The following PARVA variants were observed in gnomAD, a reference collection of about 807,000 sequenced individuals.
The protein encoded by PARVA is alpha-parvin.
PARVA carries 25 observed loss-of-function variants against 52.6 expected under a neutral mutation model. That is an observed-to-expected ratio of 0.48 (90% confidence interval 0.35 to 0.66). PARVA has a LOEUF of 0.66. Ranked by LOEUF, PARVA falls within the 30% of genes least tolerant of loss-of-function variation. The probability of loss-of-function intolerance (pLI) is 0.01; values close to 1 mark genes in which losing one functional copy is unlikely to be tolerated. For synonymous variants in PARVA, 185 were observed against 179.1 expected (o/e 1.03, Z -0.26); for missense variants, 373 against 450.9 (o/e 0.83, Z 1.56).
intron 1 of PARVA, among the ~76,000 whole-genome samples, chr11:12,385,835 A>C (rs752978467): frequency 2.6e-5 from 4 of 152,206 alleles, no homozygotes; most frequent in Non-Finnish European, 4.4e-5. Flanking sequence ...TGTAAAAACC[A>C]TTCTTAGCAC....
intron 1 of PARVA, among the ~76,000 whole-genome samples, chr11:12,468,933 T>G (rs950320284): frequency 2.0e-5 from 3 of 152,198 alleles, no homozygotes; most frequent in Non-Finnish European, 4.4e-5. Context: ...AGAATTGACA[T>G]GATGATGCTT....
At chr11:12,479,174 G>C (rs942632515) in intron 4 of PARVA, 1 of 152,160 alleles carries the variant, frequency 6.6e-6, no homozygotes, top group Non-Finnish European at 1.5e-5. Flanking sequence ...GATCATGCTA[G>C]TCCTTCTGCC....
At chr11:12,411,176 G>T (rs1939987591) in intron 1 of PARVA, among the ~76,000 whole-genome samples, 1 of 152,162 alleles carries the variant, frequency 6.6e-6, no homozygotes, top group African/African-American at 2.4e-5. Context: ...GATGAACAAA[G>T]GATTTTTAAA....
rs1214984665 is a variant in PARVA, at chr11:12,488,982, A to G, written c.401-7476A>G. On this transcript the variant is annotated intron_variant, in intron 4 of 12. Coordinates refer to ENST00000334956, the MANE Select transcript of PARVA (RefSeq NM_018222.5). Reference sequence around the variant, plus strand: ...AAGCCACCATGAGCACTGTCAACAGAAACAATAATCTGTAGATTCATCCCA... The same window carrying G: ...AAGCCACCATGAGCACTGTCAACAGGAACAATAATCTGTAGATTCATCCCA... Among the ~76,000 whole-genome samples the G allele has an allele frequency of 7.2e-5, 11 of 152,246 alleles. No individual in the cohort carries two copies. The East Asian group carries it at 2.1e-3, about 29-fold the overall frequency.
At chr11:12,465,342 C>T (rs1300416456) in intron 1 of PARVA, among the ~76,000 whole-genome samples, 1 of 152,202 alleles carries the variant, frequency 6.6e-6, no homozygotes, top group Non-Finnish European at 1.5e-5. Context: ...AGATGTGGCC[C>T]TGCAACCTGG....
intron 5 of PARVA, among the ~76,000 whole-genome samples, chr11:12,501,782 T>G (rs1433601226): frequency 6.6e-6 from 1 of 152,224 alleles, no homozygotes; most frequent in Non-Finnish European, 1.5e-5. Context: ...CCCAGGAGGA[T>G]AGAGCATTCA....
chr11:12,474,481 CTG>C (rs1940978620), intron 3 of PARVA, among the ~76,000 whole-genome samples: 1 of 152,120 alleles, frequency 6.6e-6, no homozygotes, highest in Non-Finnish European at 1.5e-5. Context: ...CCTTTCAAAA[CTG>C]TTCATTTCTC....
rs1940683258 is a variant in PARVA, at chr11:12,455,518, G to C, written c.137-18227G>C. Among the ~76,000 whole-genome samples the C allele has an allele frequency of 2.0e-5, 3 of 151,870 alleles. No individual in the cohort carries two copies. In the South Asian group the frequency reaches 6.2e-4, roughly 32 times the overall value. ...GTCCATTGCTGATATCCTTATTGAT[G>C]CTCAAATTTTTCTGTCCTTGGCCAT... On this transcript the variant is annotated intron_variant, in intron 1 of 12. Coordinates refer to ENST00000334956, the MANE Select transcript of PARVA (RefSeq NM_018222.5).
chr11:12,434,665 C>G (rs1940363240), intron 1 of PARVA, among the ~76,000 whole-genome samples: 1 of 152,298 alleles, frequency 6.6e-6, no homozygotes, highest in East Asian at 1.9e-4. Flanking sequence ...AAGACTTGCT[C>G]TCAGCCTCTA....
intron 1 of PARVA, among the ~76,000 whole-genome samples, chr11:12,383,832 T>C (rs1398976290): frequency 6.6e-6 from 1 of 152,212 alleles, no homozygotes; most frequent in African/African-American, 2.4e-5. Flanking sequence ...AATACATTTA[T>C]TTTAAAAATT....
intron 1 of PARVA, among the ~76,000 whole-genome samples, chr11:12,468,855 C>A (rs1402903566): frequency 6.6e-6 from 1 of 152,144 alleles, no homozygotes; most frequent in Admixed American, 6.5e-5. Flanking sequence ...CTTCCTTGGG[C>A]CTTTCTTTAG....
chr11:12,504,707 T>C (rs1326318553), intron 6 of PARVA, among the ~76,000 whole-genome samples: 1 of 151,866 alleles, frequency 6.6e-6, no homozygotes, highest in Non-Finnish European at 1.5e-5. Flanking sequence ...TTCTGTGTAA[T>C]GTGTAGATGA....
intron 1 of PARVA, among the ~76,000 whole-genome samples, chr11:12,392,828 C>G: frequency 6.6e-6 from 1 of 151,848 alleles, no homozygotes; most frequent in East Asian, 1.9e-4. Flanking sequence ...GACTGTTAAC[C>G]CCGAAAGGTA....
intron 6 of PARVA, among the ~76,000 whole-genome samples, chr11:12,505,124 A>G (rs1941418529): frequency 6.6e-6 from 1 of 152,198 alleles, no homozygotes; most frequent in Non-Finnish European, 1.5e-5. Flanking sequence ...TCCTAACCCC[A>G]TTAAATACCC....
intron 1 of PARVA, among the ~76,000 whole-genome samples, chr11:12,384,505 G>A (rs1346230272): frequency 6.6e-6 from 1 of 152,168 alleles, no homozygotes; most frequent in Non-Finnish European, 1.5e-5. Context: ...TTGTTTGAGT[G>A]GTAGTAAGTG....
rs1292184006 is a variant in PARVA, at chr11:12,528,160, G to T, written c.*235G>T. On this transcript the variant is annotated 3_prime_UTR_variant, in exon 13 of 13. Transcript: ENST00000334956. ...CAACCTAGCAATGAAGGTTGGGAAG[G>T]TTGTTCCCTTCCCGGTGCCAGGTCC... 3 of 507,356 alleles carry T rather than the reference G, an allele frequency of 5.9e-6. No homozygotes were observed. The Admixed American group carries it at 9.6e-5, about 16-fold the overall frequency. 31.4% of individuals were successfully genotyped at this position (507,356 alleles called of 1,614,324 possible). A position where few individuals can be genotyped will look rare whatever the true frequency, so the allele number is the denominator to read the frequency against.
chr11:12,402,767 A>G (rs1939847809), intron 1 of PARVA, among the ~76,000 whole-genome samples: 1 of 152,132 alleles, frequency 6.6e-6, no homozygotes, highest in Admixed American at 6.5e-5. Flanking sequence ...GCTTTGTTTC[A>G]GAGACTACAC....
chr11:12,521,355 ACT>A (rs1318114352), intron 12 of PARVA, among the ~76,000 whole-genome samples: 1 of 152,088 alleles, frequency 6.6e-6, no homozygotes, highest in Non-Finnish European at 1.5e-5. Flanking sequence ...AACATTTAAA[ACT>A]CTAATCATAC....
chr11:12,510,767 C>G (rs188460668), intron 7 of PARVA, among the ~76,000 whole-genome samples: 6 of 152,126 alleles, frequency 3.9e-5, no homozygotes, highest in Admixed American at 6.5e-5. Flanking sequence ...ATGGGAAAGA[C>G]CAGTCCCCAT....
Sources: allele counts gnomAD v4.1 joint callset (sites outside exome capture counted in the v4.1 genomes callset), GRCh38; gene constraint gnomAD v4.1.1; transcripts MANE v1.5; gene names NCBI Gene and HGNC (gene_info 2026-07-23, HGNC 2026-07-21).